Variants in SGCZ observed in about 807,000 individuals in gnomAD.
The protein encoded by SGCZ is sarcoglycan zeta, also known as zeta-sarcoglycan.
SGCZ carries 40 observed loss-of-function variants against 41.3 expected under a neutral mutation model. That is an observed-to-expected ratio of 0.97 (90% CI 0.75 to 1.26). SGCZ has a LOEUF of 1.26. Among genes scored for constraint, SGCZ ranks in the 50% most tolerant of loss-of-function variants. SGCZ has a pLI of 0.00. For synonymous variants in SGCZ, 206 were observed against 137.5 expected, an observed-to-expected ratio of 1.50 and a Z score of -3.49; for missense variants, 552 against 369.8, an observed-to-expected ratio of 1.49 and a Z score of -4.04.
intron 1 of SGCZ, among the ~76,000 whole-genome samples, chr8:14,809,405 A>G (rs577842891): frequency 6.6e-6 from 1 of 152,244 alleles, no homozygotes; most frequent in South Asian, 2.1e-4. Context: ...AGACATTGAT[A>G]GAAGGATATG....
rs1799791737 is a variant in SGCZ at position 15,170,374 on chromosome 8, AAG to A, written c.39+67209_39+67210del. Among the ~76,000 whole-genome samples the A allele has an allele frequency of 3.9e-5, 6 of 152,214 alleles. No homozygotes were observed. In the South Asian group the frequency reaches 8.3e-4, roughly 21 times the overall value. On this transcript the variant is annotated intron_variant, in intron 1 of 7. Coordinates refer to ENST00000382080, the MANE Select transcript of SGCZ (RefSeq NM_139167.4). ...CTCTTCCCCAAAGATATAAAAAAAA[AAG>A]GAAAAAGCACAATTTCCCAGCCTTG...
chr8:15,167,555 AG>A (rs929558815), intron 1 of SGCZ, among the ~76,000 whole-genome samples: 1 of 152,230 alleles, frequency 6.6e-6, no homozygotes, highest in African/African-American at 2.4e-5. Context: ...CTTCCATCAA[AG>A]CCAAACCAAA....
chr8:14,922,374 A>G (rs1373615940), intron 1 of SGCZ, among the ~76,000 whole-genome samples: 1 of 152,208 alleles, frequency 6.6e-6, no homozygotes, highest in African/African-American at 2.4e-5. Flanking sequence ...ACAGAAAAAA[A>G]TTATTTATAT....
At chr8:14,543,850 T>A (rs1585064914) in intron 2 of SGCZ, among the ~76,000 whole-genome samples, 1 of 152,160 alleles carries the variant, frequency 6.6e-6, no homozygotes, top group South Asian at 2.1e-4. Flanking sequence ...TTTGACTACA[T>A]ATTTGACTAC....
chr8:14,894,854 A>G (rs1805135748), intron 1 of SGCZ, among the ~76,000 whole-genome samples: 2 of 152,216 alleles, frequency 1.3e-5, no homozygotes, highest in South Asian at 2.1e-4. Flanking sequence ...ACTTCTCCTC[A>G]GAGTTTCTGC....
At chr8:14,795,584 C>T (rs181174704) in intron 1 of SGCZ, among the ~76,000 whole-genome samples, 1 of 152,238 alleles carries the variant, frequency 6.6e-6, no homozygotes, top group East Asian at 1.9e-4. Flanking sequence ...CTAGCACATG[C>T]CATCACATCC....
chr8:15,024,069 G>C lies in SGCZ; in HGVS notation c.39+213516C>G, dbSNP rs541742705. Among the ~76,000 whole-genome samples, 3 of 152,264 alleles carry C rather than the reference G, an allele frequency of 2.0e-5. No individual in the cohort carries two copies. In the South Asian group the frequency reaches 6.2e-4, roughly 32 times the overall value. On this transcript the variant is annotated intron_variant, in intron 1 of 7. Transcript: ENST00000382080. Reference sequence around the variant, plus strand: ...TGACTATCACAATCATGTTTCTTGAGCATTATAAGACCAAAGCAATTGGTA... The same window carrying C: ...TGACTATCACAATCATGTTTCTTGACCATTATAAGACCAAAGCAATTGGTA...
intron 1 of SGCZ, among the ~76,000 whole-genome samples, chr8:15,163,393 T>G (rs1178797347): frequency 1.3e-5 from 2 of 152,240 alleles, no homozygotes; most frequent in African/African-American, 4.8e-5. Flanking sequence ...GAAGCCATGC[T>G]GTTTACCATT....
chr8:14,968,264 T>C (rs1286690653), intron 1 of SGCZ, among the ~76,000 whole-genome samples: 2 of 152,162 alleles, frequency 1.3e-5, no homozygotes, highest in African/African-American at 4.8e-5. Flanking sequence ...CAATTGTATT[T>C]CTATTAAGAT....
chr8:14,705,031 C>G lies in SGCZ; in HGVS notation c.40-150105G>C, dbSNP rs143488092. Among the ~76,000 whole-genome samples the G allele has an allele frequency of 6.3e-3, 960 of 152,032 alleles. 52 individuals carry two copies. The highest frequency in any genetic ancestry group is 0.058 in the Admixed American group (883 of 15,236). ...AATATTGATATTAATAGCCACCAAA[C>G]CACAGATTTTTATTGTTAATTTCGA... On this transcript the variant is annotated intron_variant, in intron 1 of 7. Transcript: ENST00000382080.
At chr8:15,074,243 T>C (rs1805453271) in intron 1 of SGCZ, among the ~76,000 whole-genome samples, 1 of 152,194 alleles carries the variant, frequency 6.6e-6, no homozygotes, top group South Asian at 2.1e-4. Flanking sequence ...TTAAGATGAT[T>C]CTTTAGGACG....
At chr8:14,385,383 T>G (rs1350162546) in intron 2 of SGCZ, among the ~76,000 whole-genome samples, 1 of 152,126 alleles carries the variant, frequency 6.6e-6, no homozygotes, top group African/African-American at 2.4e-5. Flanking sequence ...TACATGCCAC[T>G]AGGGTCAAGC....
intron 1 of SGCZ, among the ~76,000 whole-genome samples, chr8:14,645,859 T>C (rs1161604941): frequency 6.6e-6 from 1 of 151,798 alleles, no homozygotes; most frequent in Non-Finnish European, 1.5e-5. Flanking sequence ...GAAAGCATTG[T>C]TTTACTCAAT....
At chr8:14,799,871 C>T (rs188204907) in intron 1 of SGCZ, among the ~76,000 whole-genome samples, 15 of 152,060 alleles carry the variant, frequency 9.9e-5, no homozygotes, top group Admixed American at 8.5e-4. Flanking sequence ...GCTTCTTTTA[C>T]TAGAGAAGAA....
chr8:14,206,062 T>C (rs1367336670), intron 4 of SGCZ, among the ~76,000 whole-genome samples: 1 of 152,122 alleles, frequency 6.6e-6, no homozygotes, highest in African/African-American at 2.4e-5. Context: ...GATTATCTAA[T>C]TAAACATTTC....
intron 1 of SGCZ, among the ~76,000 whole-genome samples, chr8:15,223,712 C>A (rs929220054): frequency 6.6e-6 from 1 of 152,064 alleles, no homozygotes; most frequent in Non-Finnish European, 1.5e-5. Context: ...AATCCATAAT[C>A]CTCATTGTTT....
chr8:15,105,494 G>GGAGA (rs142403012), intron 1 of SGCZ, among the ~76,000 whole-genome samples: 3 of 150,836 alleles, frequency 2.0e-5, no homozygotes, highest in African/African-American at 7.3e-5. Context: ...TGGTGGAGCA[G>GGAGA]GAGAGAGAGA....
At chr8:14,191,107 C>T (rs1165054958) in intron 4 of SGCZ, among the ~76,000 whole-genome samples, 1 of 152,074 alleles carries the variant, frequency 6.6e-6, no homozygotes, top group Non-Finnish European at 1.5e-5. Flanking sequence ...ATATTGAATA[C>T]CTTTTCATAT....
chr8:14,604,379 C>T (rs903966850), intron 1 of SGCZ, among the ~76,000 whole-genome samples: 47 of 152,196 alleles, frequency 3.1e-4, no homozygotes, highest in African/African-American at 1.1e-3. Context: ...TGATGTCTGC[C>T]ATGGGCATAT....
Sources: allele counts gnomAD v4.1 joint callset (sites outside exome capture counted in the v4.1 genomes callset), GRCh38; gene constraint gnomAD v4.1.1; transcripts MANE v1.5; gene names NCBI Gene and HGNC (gene_info 2026-07-23, HGNC 2026-07-21).